Variants in SRPK2 observed in about 807,000 individuals in gnomAD.
The protein encoded by SRPK2 is SRSF protein kinase 2, also known as SFRS protein kinase 2.
A neutral mutation model predicts 90.8 loss-of-function variants in SRPK2; 21 were observed. That is an observed-to-expected ratio of 0.23 (90% confidence interval 0.16 to 0.33). The LOEUF (loss-of-function observed/expected upper bound fraction) is 0.33, where lower values mean the gene tolerates loss of function less well. Ranked by LOEUF, SRPK2 falls within the 10% of genes least tolerant of loss-of-function variation. SRPK2 has a pLI of 1.00. For missense variants in SRPK2, 620 were observed against 869.0 expected, an observed-to-expected ratio of 0.71 and a Z score of 3.60; for synonymous variants, 288 against 311.1, an observed-to-expected ratio of 0.93 and a Z score of 0.78.
At chr7:105,279,312 T>C (rs1420731353) in intron 2 of SRPK2, among the ~76,000 whole-genome samples, 1 of 142,418 alleles carries the variant, frequency 7.0e-6, no homozygotes, top group Non-Finnish European at 1.6e-5. Context: ...CTGCTGCTAC[T>C]ACTTATGAGA....
intron 1 of SRPK2, among the ~76,000 whole-genome samples, chr7:105,398,559 T>C (rs1822390881): frequency 1.3e-5 from 2 of 152,174 alleles, no homozygotes; most frequent in Admixed American, 1.3e-4. Context: ...AATTTTTGTA[T>C]TTTTAGTAGA....
intron 2 of SRPK2, among the ~76,000 whole-genome samples, chr7:105,226,439 C>T (rs190241466): frequency 1.3e-3 from 205 of 152,090 alleles, no homozygotes; most frequent in East Asian, 4.1e-3. Flanking sequence ...TACAGGTGCG[C>T]GCCACCATAC....
intron 2 of SRPK2, among the ~76,000 whole-genome samples, chr7:105,353,069 T>G (rs772801732): frequency 1.7e-4 from 26 of 152,288 alleles, no homozygotes; most frequent in Non-Finnish European, 3.2e-4. Flanking sequence ...TCCCTTATTA[T>G]CTAAGGTTCA....
chr7:105,362,495 C>T (rs958448562), intron 2 of SRPK2, among the ~76,000 whole-genome samples: 14 of 139,626 alleles, frequency 1.0e-4, no homozygotes, highest in East Asian at 8.4e-4. Flanking sequence ...CCAGCCTGGG[C>T]GACAGAGCAA....
intron 3 of SRPK2, among the ~76,000 whole-genome samples, chr7:105,190,663 T>C (rs1350958933): frequency 6.6e-6 from 1 of 152,190 alleles, no homozygotes; most frequent in East Asian, 1.9e-4. Context: ...TGCCACACTG[T>C]TAGACTATCA....
intron 3 of SRPK2, among the ~76,000 whole-genome samples, chr7:105,198,684 G>A (rs927459250): frequency 2.0e-5 from 3 of 152,072 alleles, no homozygotes; most frequent in Non-Finnish European, 4.4e-5. Context: ...ACAGACAGAA[G>A]AAGAGTGAAA....
intron 2 of SRPK2, among the ~76,000 whole-genome samples, chr7:105,261,418 G>T (rs1261968771): frequency 6.6e-6 from 1 of 152,036 alleles, no homozygotes; most frequent in East Asian, 1.9e-4. Flanking sequence ...CTACTCAGGA[G>T]GCTGAGGCAG....
intron 2 of SRPK2, among the ~76,000 whole-genome samples, chr7:105,255,357 T>A (rs892467739): frequency 6.6e-6 from 1 of 151,992 alleles, no homozygotes; most frequent in Admixed American, 6.6e-5. Flanking sequence ...CATCATAACC[T>A]TCTACTGTGA....
intron 2 of SRPK2, among the ~76,000 whole-genome samples, chr7:105,286,492 G>A (rs1169475194): frequency 6.6e-5 from 10 of 152,132 alleles, no homozygotes; most frequent in Non-Finnish European, 2.9e-5. Flanking sequence ...TAAGTTAAGC[G>A]CTGGGTAATT....
chr7:105,271,453 C>T (rs954550033), intron 2 of SRPK2, among the ~76,000 whole-genome samples: 18 of 152,202 alleles, frequency 1.2e-4, no homozygotes, highest in African/African-American at 4.1e-4. Context: ...AATCAAGGAA[C>T]GTTAACACTA....
intron 2 of SRPK2, among the ~76,000 whole-genome samples, chr7:105,279,759 T>C (rs1049426081): frequency 1.3e-5 from 2 of 152,248 alleles, no homozygotes; most frequent in African/African-American, 4.8e-5. Context: ...TTTCTCACTA[T>C]GACAAAGTAT....
chr7:105,176,695 ATATATG>A (rs1481307404), intron 3 of SRPK2, among the ~76,000 whole-genome samples: 1 of 75,262 alleles, frequency 1.3e-5, no homozygotes, highest in Non-Finnish European at 2.9e-5. Flanking sequence ...GTGTGTACAT[ATATATG>A]TATGTGTATG....
At chr7:105,382,808 T>A (rs1821098549) in intron 2 of SRPK2, among the ~76,000 whole-genome samples, 1 of 152,008 alleles carries the variant, frequency 6.6e-6, no homozygotes, top group Non-Finnish European at 1.5e-5. Context: ...CTGACTGTGG[T>A]GATTATTCTA....
At position 105,133,072 on chromosome 7, in the gene SRPK2, G is replaced by C; in HGVS notation, c.1576C>G (p.Pro526Ala). ...KTRAADLLVNPLDPRNADKIR... is the reference protein window; with the variant it reads ...KTRAADLLVNALDPRNADKIR... Reference sequence around the variant, plus strand: ...TTATCTGCATTCCGCGGATCCAGGGGATTCACCAACAAGTCAGCTGCCCGG... The same window carrying C: ...TTATCTGCATTCCGCGGATCCAGGGCATTCACCAACAAGTCAGCTGCCCGG... The change falls in exon 12 of 16, where the codon CCC becomes GCC. Residue 526 changes from proline (P) to alanine (A), a missense_variant. Physicochemically the swap from Pro to Ala is conservative, Grantham distance 27. Around this residue, in one of 8 missense-constraint regions of SRPK2, gnomAD observed 20 missense variants for 54.3 expected, o/e 0.37. Coordinates refer to ENST00000393651, the MANE Select transcript of SRPK2 (RefSeq NM_182692.3). 1 of 1,614,170 alleles carries C rather than the reference G, an allele frequency of 6.2e-7. No individual in the cohort carries two copies. The highest frequency in any genetic ancestry group is 8.5e-7 in the Non-Finnish European group (1 of 1,180,024).
At chr7:105,376,682 C>A (rs563794932) in intron 2 of SRPK2, among the ~76,000 whole-genome samples, 1 of 151,458 alleles carries the variant, frequency 6.6e-6, no homozygotes, top group Non-Finnish European at 1.5e-5. Flanking sequence ...GGATTACAGG[C>A]GTGCACCACC....
intron 15 of SRPK2, among the ~76,000 whole-genome samples, chr7:105,118,579 A>T (rs1799887779): frequency 6.6e-6 from 1 of 152,156 alleles, no homozygotes; most frequent in African/African-American, 2.4e-5. Flanking sequence ...TACGAGCTGT[A>T]ATGGTCATTT....
chr7:105,121,379 A>AC, intron 15 of SRPK2, among the ~76,000 whole-genome samples: 1 of 55,182 alleles, frequency 1.8e-5, no homozygotes, highest in Non-Finnish European at 5.4e-5. Context: ...TGAAGACGTA[A>AC]AAAAAAAAAG....
chr7:105,151,275 TG>T (rs1353168455), intron 7 of SRPK2, among the ~76,000 whole-genome samples: 1 of 152,246 alleles, frequency 6.6e-6, no homozygotes, highest in African/African-American at 2.4e-5. Context: ...GGATTCAGAC[TG>T]CTCTTAAATT....
At chr7:105,122,056 G>A (rs968069865) in intron 15 of SRPK2, among the ~76,000 whole-genome samples, 11 of 152,124 alleles carry the variant, frequency 7.2e-5, no homozygotes, top group Non-Finnish European at 1.3e-4. Flanking sequence ...AGACAATGAA[G>A]AGATCTGAAT....
Sources: allele counts gnomAD v4.1 joint callset (sites outside exome capture counted in the v4.1 genomes callset), GRCh38; gene constraint gnomAD v4.1.1; regional missense constraint gnomAD v4.1.1; transcripts MANE v1.5; gene names NCBI Gene and HGNC (gene_info 2026-07-23, HGNC 2026-07-21).